The following DOCK7 variants were observed in gnomAD, a reference collection of about 807,000 sequenced individuals.
The protein encoded by DOCK7 is dedicator of cytokinesis 7.
Under a neutral mutation model 271.0 loss-of-function variants are expected in DOCK7, and 138 were observed. That is an observed-to-expected ratio of 0.51 (90% CI 0.44 to 0.59). DOCK7 has a LOEUF of 0.59. DOCK7 is among the 20% of genes least tolerant of loss of function. The probability of loss-of-function intolerance (pLI) is 0.00; values close to 1 mark genes in which losing one functional copy is unlikely to be tolerated. For missense variants in DOCK7, 2,066 were observed against 2,592.4 expected, an observed-to-expected ratio of 0.80 and a Z score of 4.41; for synonymous variants, 823 against 876.1, an observed-to-expected ratio of 0.94 and a Z score of 1.07.
chr1:62,598,975 T>C (rs1649709496), intron 14 of DOCK7, among the ~76,000 whole-genome samples: 1 of 152,124 alleles, frequency 6.6e-6, no homozygotes, highest in Admixed American at 6.6e-5. Flanking sequence ...ATTTAAACCA[T>C]GGCTCTAAAA....
chr1:62,564,293 C>T (rs1448882522), intron 18 of DOCK7, among the ~76,000 whole-genome samples: 1 of 152,154 alleles, frequency 6.6e-6, no homozygotes, highest in Non-Finnish European at 1.5e-5. Context: ...CACACTTATT[C>T]TAAAATTGAC....
At chr1:62,608,905 C>T (rs796628456) in intron 14 of DOCK7, 34 of 152,264 alleles carry the variant, frequency 2.2e-4, no homozygotes, top group African/African-American at 8.2e-4. Context: ...ACTTATTGAG[C>T]ATCTACTATT....
At position 62,587,299 on chromosome 1, in the gene DOCK7, TAAAAAAAAA is replaced by T; in HGVS notation, c.1683-684_1683-676del. ...AATTCAAGAAAAGACACCAAATAGC[TAAAAAAAAA>T]AAAAAAAAAAAAAAAGAATCAAGAG... On this transcript the variant is annotated intron_variant, in intron 14 of 49. Transcript: ENST00000635253. Among the ~76,000 whole-genome samples, 193 of 41,866 alleles carry T rather than the reference TAAAAAAAAA, an allele frequency of 4.6e-3. 4 individuals carry two copies. Among genetic ancestry groups the T allele is most frequent in the African/African-American group, 0.013 (178 of 13,916 alleles). The allele number at this position is 41,866 out of a possible 152,430, so 27.5% of individuals were successfully genotyped here.
At chr1:62,590,603 A>C (rs1648296698) in intron 14 of DOCK7, among the ~76,000 whole-genome samples, 1 of 152,210 alleles carries the variant, frequency 6.6e-6, no homozygotes, top group Non-Finnish European at 1.5e-5. Context: ...ATAATAATGT[A>C]GTATGATAAA....
intron 6 of DOCK7, 53 bp downstream of exon 6, chr1:62,648,053 C>T (rs1656889910): frequency 2.6e-6 from 4 of 1,534,208 alleles, no homozygotes; most frequent in East Asian, 2.3e-5. Flanking sequence ...AATCATAATC[C>T]CAAAAGATCA....
chr1:62,662,888 A>T, intron 2 of DOCK7, 137 bp downstream of exon 2: 1 of 578,064 alleles, frequency 1.7e-6, no homozygotes, highest in South Asian at 3.8e-5. Flanking sequence ...CCCAACTCAG[A>T]TTTCAACAAA....
intron 43 of DOCK7, chr1:62,486,033 C>G (rs1646282277): frequency 6.6e-6 from 1 of 152,002 alleles, no homozygotes; most frequent in Admixed American, 6.6e-5. Flanking sequence ...ATAAACTGCT[C>G]AGAGGTTTCA....
At chr1:62,680,739 C>G (rs1256892358) in intron 1 of DOCK7, among the ~76,000 whole-genome samples, 1 of 151,694 alleles carries the variant, frequency 6.6e-6, no homozygotes, top group Non-Finnish European at 1.5e-5. Flanking sequence ...TGAACAGACA[C>G]TTCTCAAAAG....
chr1:62,583,713 C>G lies in DOCK7; in HGVS notation c.1801-459G>C, dbSNP rs1047415981. 2.6e-5 allele frequency among the ~76,000 whole-genome samples: 4 copies of G among 152,112 alleles called. No individual in the cohort carries two copies. In the South Asian group the frequency reaches 8.3e-4, roughly 31 times the overall value. ...TGATATCAGAAATCCTATTTTAGGTCAAGCTATGTATCCTTTGCTTCTAAT... is the reference window on the plus strand; with the variant it reads ...TGATATCAGAAATCCTATTTTAGGTGAAGCTATGTATCCTTTGCTTCTAAT... On this transcript the variant is annotated intron_variant, in intron 15 of 49. Transcript: ENST00000635253.
intron 18 of DOCK7, among the ~76,000 whole-genome samples, chr1:62,565,906 C>T (rs1427149398): frequency 6.6e-6 from 1 of 152,070 alleles, no homozygotes; most frequent in Non-Finnish European, 1.5e-5. Context: ...TTCCTATACA[C>T]CAATAACAGG....
chr1:62,540,510 A>ATT (rs1645494125), intron 25 of DOCK7, among the ~76,000 whole-genome samples: 1 of 152,084 alleles, frequency 6.6e-6, no homozygotes, highest in African/African-American at 2.4e-5. Flanking sequence ...AAGACTCAAT[A>ATT]ATTTTGCCAT....
chr1:62,589,649 C>T (rs1007019540), intron 14 of DOCK7, among the ~76,000 whole-genome samples: 1 of 151,660 alleles, frequency 6.6e-6, no homozygotes, highest in Non-Finnish European at 1.5e-5. Flanking sequence ...AGTATCCAGA[C>T]TTCATACTGA....
chr1:62,625,515 T>A (rs1279484317), intron 11 of DOCK7, 114 bp from the exon 12 acceptor site: 3 of 1,019,720 alleles, frequency 2.9e-6, no homozygotes, highest in Non-Finnish European at 4.3e-6. Flanking sequence ...ACTCAGCATA[T>A]CAAGTATAGT....
At chr1:62,495,737 C>T in intron 38 of DOCK7, 56 bp from the exon 39 acceptor site, 3 of 1,349,454 alleles carry the variant, frequency 2.2e-6, no homozygotes, top group Non-Finnish European at 3.1e-6. Flanking sequence ...TCCATAATCA[C>T]CAAATTAGTT....
At chr1:62,542,787 G>A in intron 24 of DOCK7, 84 bp from the exon 25 acceptor site, 1 of 1,312,542 alleles carries the variant, frequency 7.6e-7, no homozygotes. Flanking sequence ...TACAAACGAA[G>A]ATATAATGAG....
At position 62,460,604 on chromosome 1, in the gene DOCK7, A is replaced by AACACACACACACACACAC. The variant is rs57641890; in HGVS notation, c.6213-2917_6213-2900dup. Among the ~76,000 whole-genome samples, 124 of 149,006 alleles carry AACACACACACACACACAC rather than the reference A, an allele frequency of 8.3e-4. 1 individual carries two copies. Among genetic ancestry groups the AACACACACACACACACAC allele is most frequent in the African/African-American group, 2.8e-3 (113 of 40,374 alleles). On this transcript the variant is annotated intron_variant, in intron 48 of 49. Coordinates refer to ENST00000635253, the MANE Select transcript of DOCK7 (RefSeq NM_001367561.1). ...GCAGAAAACTTGTGCCAATGTATTGAACACACACACACACACACACACACA... is the reference window on the plus strand; with the variant it reads ...GCAGAAAACTTGTGCCAATGTATTGAACACACACACACACACACACACACACACACACACACACACACA...
intron 14 of DOCK7, chr1:62,597,815 T>C (rs920003542): frequency 1.2e-6 from 2 of 1,613,070 alleles, no homozygotes; most frequent in Non-Finnish European, 8.5e-7. Context: ...AGTCTTTTTA[T>C]GATCTATCGC....
At chr1:62,471,543 C>T (rs1645830842) in intron 48 of DOCK7, among the ~76,000 whole-genome samples, 1 of 152,108 alleles carries the variant, frequency 6.6e-6, no homozygotes, top group Non-Finnish European at 1.5e-5. Context: ...TGGTGGTGCA[C>T]ACCATAAGGC....
intron 43 of DOCK7, chr1:62,483,915 C>A (rs1646215698): frequency 6.6e-6 from 1 of 152,102 alleles, no homozygotes; most frequent in South Asian, 2.1e-4. Flanking sequence ...TCACATTTAC[C>A]CACTTGACTA....
Sources: allele counts gnomAD v4.1 joint callset (sites outside exome capture counted in the v4.1 genomes callset), GRCh38; gene constraint gnomAD v4.1.1; transcripts MANE v1.5; gene names NCBI Gene and HGNC (gene_info 2026-07-23, HGNC 2026-07-21).